Variants in PRUNE2 observed in about 807,000 individuals in gnomAD.
PRUNE2 encodes the protein protein prune homolog 2.
In PRUNE2, 164 loss-of-function variants were observed where a neutral mutation model predicts 252.0. The observed-to-expected ratio is 0.65, with a 90% CI of 0.57 to 0.74. The LOEUF (loss-of-function observed/expected upper bound fraction) is 0.74, where lower values mean the gene tolerates loss of function less well. Among genes scored for constraint, PRUNE2 ranks in the 30% least tolerant of loss-of-function variants. The pLI, the probability that PRUNE2 is intolerant of heterozygous loss-of-function variation, is 0.00. For synonymous variants in PRUNE2, 1,292 were observed against 1,350.2 expected (o/e 0.96, Z 0.94); for missense variants, 3,495 against 3,711.0 (o/e 0.94, Z 1.51).
intron 12 of PRUNE2, chr9:76,642,001 T>TAAAAAAAAAAAAAAAAAAAAAGAA: frequency 2.0e-6 from 2 of 1,010,458 alleles, no homozygotes; most frequent in East Asian, 2.8e-5. Flanking sequence ...ATAAGAGAAG[T>TAAAAAAAAAAAAAAAAAAAAAGAA]AAAAAAAAAA....
At chr9:76,802,078 G>A (rs1019803052) in intron 6 of PRUNE2, among the ~76,000 whole-genome samples, 2 of 151,808 alleles carry the variant, frequency 1.3e-5, no homozygotes, top group African/African-American at 2.4e-5. Flanking sequence ...CGTATTTTAC[G>A]TTCTCAACTC....
rs1293531111 is a variant in PRUNE2 at position 76,709,651 on chromosome 9, G to A, written c.2623C>T (p.His875Tyr). Reference protein sequence around the residue: ...WGKKNNDSRDHIFAPGNPSSD... With the variant: ...WGKKNNDSRDYIFAPGNPSSD... ...CTGGGATTTCCAGGTGCAAAGATGT[G>A]ATCCCTGGAGTCATTGTTTTTCTTG... is the stretch of plus-strand genomic sequence containing the variant. Residue 875 changes from histidine to tyrosine, a missense_variant, in exon 8 of 19, where the codon CAC becomes TAC. His to Tyr is a moderately conservative substitution (Grantham distance 83). Coordinates refer to ENST00000376718, the MANE Select transcript of PRUNE2 (RefSeq NM_015225.3). The A allele has an allele frequency of 1.2e-6, 2 of 1,613,876 alleles. No homozygotes were observed. Among genetic ancestry groups the A allele is most frequent in the Non-Finnish European group, 1.7e-6 (2 of 1,179,892 alleles).
Position 76,704,833 on chromosome 9 carries a change from A to T in PRUNE2, c.7441T>A (p.Ser2481Thr). 2 of 1,593,696 alleles carry T rather than the reference A, an allele frequency of 1.3e-6. No individual in the cohort carries two copies. Among genetic ancestry groups the T allele is most frequent in the Non-Finnish European group, 1.7e-6 (2 of 1,168,668 alleles). ...GTTTCTACTTCCCAGTCAACGTTTG[A>T]TGGAGACAAAATGTTGGAGCCTGCT... Reference protein sequence around the residue: ...VGAGSNILSPSNVDWEVETDN... With the variant: ...VGAGSNILSPTNVDWEVETDN... Residue 2481 changes from serine (S) to threonine (T), a missense_variant, in exon 8 of 19, where the codon TCA becomes ACA. By Grantham distance (58) the Ser-to-Thr change is moderately conservative. Transcript: ENST00000376718.
chr9:76,781,765 T>C (rs974325417), intron 6 of PRUNE2, among the ~76,000 whole-genome samples: 2 of 152,188 alleles, frequency 1.3e-5, no homozygotes, highest in Admixed American at 6.5e-5. Context: ...GCACATAGCA[T>C]ATAGTGTTGG....
At chr9:76,777,629 C>G (rs939414007) in intron 6 of PRUNE2, among the ~76,000 whole-genome samples, 2 of 152,178 alleles carry the variant, frequency 1.3e-5, no homozygotes, top group Admixed American at 1.3e-4. Context: ...AAATCCCTAC[C>G]CTCGTGAAAG....
intron 1 of PRUNE2, 127 bp from the exon 2 acceptor site, chr9:76,854,335 TC>T: frequency 2.1e-6 from 1 of 480,652 alleles, no homozygotes; most frequent in Non-Finnish European, 3.7e-6. Context: ...CATAAATTTA[TC>T]ATGAAGTTTT....
At chr9:76,795,022 G>T (rs2055947952) in intron 6 of PRUNE2, among the ~76,000 whole-genome samples, 1 of 152,106 alleles carries the variant, frequency 6.6e-6, no homozygotes, top group South Asian at 2.1e-4. Context: ...GAAGTTACTG[G>T]ACTCCCACTG....
intron 9 of PRUNE2, among the ~76,000 whole-genome samples, chr9:76,683,711 A>G (rs575985224): frequency 1.3e-5 from 2 of 152,036 alleles, no homozygotes; most frequent in Non-Finnish European, 1.5e-5. Flanking sequence ...TTCGTTTATC[A>G]CTCCTCTAAT....
chr9:76,804,012 A>G (rs901878159), intron 6 of PRUNE2, among the ~76,000 whole-genome samples: 23 of 152,010 alleles, frequency 1.5e-4, no homozygotes, highest in Non-Finnish European at 1.3e-4. Flanking sequence ...CGAGAACTGC[A>G]TTGTGTTCAC....
At chr9:76,826,812 C>A (rs752057256) in intron 4 of PRUNE2, 80 bp from the exon 5 acceptor site, 53 of 1,168,502 alleles carry the variant, frequency 4.5e-5, no homozygotes, top group Non-Finnish European at 5.9e-5. Context: ...TGTTTCCTGG[C>A]CTCTCAATCT....
At chr9:76,665,826 G>C (rs2040034828) in intron 9 of PRUNE2, among the ~76,000 whole-genome samples, 1 of 152,006 alleles carries the variant, frequency 6.6e-6, no homozygotes, top group Non-Finnish European at 1.5e-5. Context: ...CTGAGGTCAG[G>C]AGTTCGAGAT....
At chr9:76,762,659 C>CT (rs2130759717) in intron 6 of PRUNE2, among the ~76,000 whole-genome samples, 2 of 152,296 alleles carry the variant, frequency 1.3e-5, no homozygotes, top group South Asian at 4.1e-4. Context: ...TGTAGAATGA[C>CT]TGTCTGTGGC....
chr9:76,822,529 C>G (rs933715738), intron 6 of PRUNE2, among the ~76,000 whole-genome samples: 1 of 152,122 alleles, frequency 6.6e-6, no homozygotes. Flanking sequence ...AAGAATAGGT[C>G]GGGTGTGGTG....
intron 6 of PRUNE2, among the ~76,000 whole-genome samples, chr9:76,730,136 C>A (rs1564168830): frequency 6.6e-6 from 1 of 152,332 alleles, no homozygotes; most frequent in East Asian, 1.9e-4. Flanking sequence ...ACAGCTGATA[C>A]TTGGCAAACA....
At chr9:76,827,646 A>G (rs1564387311) in intron 4 of PRUNE2, among the ~76,000 whole-genome samples, 1 of 152,194 alleles carries the variant, frequency 6.6e-6, no homozygotes. Flanking sequence ...AATAAATAAA[A>G]GAGGAAAGAA....
At chr9:76,670,184 G>C (rs2041053103) in intron 9 of PRUNE2, among the ~76,000 whole-genome samples, 1 of 152,206 alleles carries the variant, frequency 6.6e-6, no homozygotes, top group Non-Finnish European at 1.5e-5. Context: ...GCACAGGTCA[G>C]TGGGTGCGCG....
chr9:76,843,926 C>T (rs2059536385), intron 4 of PRUNE2, among the ~76,000 whole-genome samples: 1 of 152,060 alleles, frequency 6.6e-6, no homozygotes, highest in South Asian at 2.1e-4. Context: ...CGAGGTTTCA[C>T]CATGTTGGCC....
intron 11 of PRUNE2, among the ~76,000 whole-genome samples, chr9:76,650,014 T>A (rs1846748398): frequency 6.6e-6 from 1 of 152,002 alleles, no homozygotes; most frequent in Non-Finnish European, 1.5e-5. Flanking sequence ...AGAGCTATCA[T>A]GTTTGGCTTC....
intron 6 of PRUNE2, among the ~76,000 whole-genome samples, chr9:76,792,436 G>A (rs2055646466): frequency 6.6e-6 from 1 of 152,112 alleles, no homozygotes; most frequent in Admixed American, 6.6e-5. Context: ...GACTAATACA[G>A]GTACTGAGGC....
Sources: gnomAD v4.1 joint callset for allele counts (sites outside exome capture counted in the v4.1 genomes callset) on GRCh38, gnomAD v4.1.1 for gene constraint, MANE v1.5 for transcripts, NCBI Gene and HGNC (gene_info 2026-07-23, HGNC 2026-07-21) for gene names.